The following NID2 variants were observed in gnomAD, a reference collection of about 807,000 sequenced individuals.
NID2 encodes nidogen 2.
NID2 carries 83 observed loss-of-function variants against 145.4 expected under a neutral mutation model. That is an observed-to-expected ratio of 0.57 (90% CI 0.48 to 0.69). NID2 has a LOEUF of 0.69. NID2 is among the 30% of genes least tolerant of loss of function. The pLI, the probability that NID2 is intolerant of heterozygous loss-of-function variation, is 0.00. For synonymous variants in NID2, 739 were observed against 701.3 expected (o/e 1.05, Z -0.85); for missense variants, 1,807 against 1,765.7 (o/e 1.02, Z -0.42).
chr14:52,033,818 A>G (rs2140387454), intron 9 of NID2, among the ~76,000 whole-genome samples: 1 of 152,302 alleles, frequency 6.6e-6, no homozygotes, highest in African/African-American at 2.4e-5. Flanking sequence ...TGCCTCTTTC[A>G]AAGTTTGGTC....
chr14:52,016,450 A>C (rs1891215999), intron 14 of NID2, among the ~76,000 whole-genome samples: 1 of 152,178 alleles, frequency 6.6e-6, no homozygotes, highest in Non-Finnish European at 1.5e-5. Context: ...TCTTTCCCAT[A>C]TGAGTAAATG....
intron 5 of NID2, among the ~76,000 whole-genome samples, chr14:52,043,257 G>A (rs1165689287): frequency 6.6e-6 from 1 of 152,034 alleles, no homozygotes; most frequent in African/African-American, 2.4e-5. Context: ...TATTTTTGTG[G>A]GTCAAAAAGG....
At position 52,005,188 on chromosome 14, in the gene NID2, T is replaced by TCA. The variant is rs1890713335; in HGVS notation, c.*297_*298insTG. ...AAACTCTAATTCTTAGTTGAATGAA[T>TCA]TTGATCTTTTAAATATTAATGATAA... is the stretch of plus-strand genomic sequence containing the variant. On this transcript the variant is annotated 3_prime_UTR_variant, in exon 22 of 22. Coordinates refer to ENST00000216286, the MANE Select transcript of NID2 (RefSeq NM_007361.4). The TCA allele has an allele frequency of 1.1e-5, 3 of 273,572 alleles. No homozygotes were observed. Among genetic ancestry groups the TCA allele is most frequent in the Non-Finnish European group, 2.0e-5 (3 of 146,548 alleles). 16.9% of individuals were successfully genotyped at this position (273,572 alleles called of 1,614,324 possible). A position where few individuals can be genotyped will look rare whatever the true frequency, so the allele number is the denominator to read the frequency against.
intron 6 of NID2, 148 bp from the exon 7 acceptor site, chr14:52,042,498 T>C (rs1369964343): frequency 2.9e-5 from 31 of 1,082,246 alleles, no homozygotes; most frequent in Non-Finnish European, 3.3e-5. Flanking sequence ...TATCCATCTA[T>C]GAAACAGTCC....
At chr14:52,034,751 G>T (rs559488855) in intron 9 of NID2, among the ~76,000 whole-genome samples, 1 of 152,204 alleles carries the variant, frequency 6.6e-6, no homozygotes. Flanking sequence ...TCACTGAGGA[G>T]CTAACTCTGG....
At chr14:52,031,583 C>CTG (rs1319393529) in intron 9 of NID2, among the ~76,000 whole-genome samples, 2 of 152,220 alleles carry the variant, frequency 1.3e-5, no homozygotes, top group Non-Finnish European at 2.9e-5. Flanking sequence ...GCCTGAGGCC[C>CTG]TGTCTTGATA....
Position 52,068,787 on chromosome 14 carries a change from C to A in NID2, c.208G>T (p.Ala70Ser), listed in dbSNP as rs776674396. The A allele has an allele frequency of 6.2e-7, 1 of 1,605,860 alleles. No individual in the cohort carries two copies. Among genetic ancestry groups the A allele is most frequent in the African/African-American group, 1.3e-5 (1 of 75,060 alleles). The change falls in exon 1 of 22, where the codon GCC (alanine) becomes TCC (serine). Residue 70 changes from alanine (A) to serine (S), a missense_variant. Ala to Ser is a moderately conservative substitution (Grantham distance 99). Transcript: ENST00000216286. ...KLANPLHFYE[A>S]RFSNLYVGTN... The stretch of plus-strand genomic sequence containing the variant: ...CTTACGTAGAGGTTGCTGAATCGGG[C>A]TTCGTAGAAGTGCAGGGGATTCGCC...
rs1655590562 is a variant in NID2, at chr14:52,068,688, C to T, written c.228+79G>A. On this transcript the variant is annotated intron_variant, in intron 1 of 21. Transcript: ENST00000216286. ...TCCAGGAGTGGGGTCTGTTTCCTCC[C>T]CTCTGGAGGCAGGGTTTCCGTGAGA... 1.1e-5 allele frequency: 15 copies of T among 1,307,488 alleles called. No individual in the cohort carries two copies. The South Asian group carries it at 1.4e-4, about 12-fold the overall frequency. The allele number at this position is 1,307,488 out of a possible 1,614,324, so 81.0% of individuals were successfully genotyped here.
chr14:52,065,674 T>G (rs1893177310), intron 2 of NID2, among the ~76,000 whole-genome samples: 1 of 82,706 alleles, frequency 1.2e-5, no homozygotes, highest in East Asian at 4.5e-4. Context: ...CCCACCACAG[T>G]CCCCAGAGTG....
rs1890718463 is a variant in NID2, at chr14:52,005,251, A to C, written c.*235T>G. ...AGTTGCTTTAATAAGCAACAGTTAAAATTCTGTTACCTTTTTAAACTTGCA... is the reference window on the plus strand; with the variant it reads ...AGTTGCTTTAATAAGCAACAGTTAACATTCTGTTACCTTTTTAAACTTGCA... On this transcript the variant is annotated 3_prime_UTR_variant, in exon 22 of 22. Coordinates refer to ENST00000216286, the MANE Select transcript of NID2 (RefSeq NM_007361.4). 1 of 384,010 alleles carries C rather than the reference A, an allele frequency of 2.6e-6. No individual in the cohort carries two copies. Among genetic ancestry groups the C allele is most frequent in the Non-Finnish European group, 4.6e-6 (1 of 216,324 alleles). 23.8% of individuals were successfully genotyped at this position (384,010 alleles called of 1,614,324 possible).
intron 20 of NID2, 166 bp from the exon 21 acceptor site, chr14:52,006,015 C>T (rs1380112139): frequency 1.6e-6 from 1 of 607,424 alleles, no homozygotes; most frequent in African/African-American, 1.8e-5. Context: ...TGCTCTAAAT[C>T]CATTGCTCAT....
At chr14:52,040,251 A>ATT (rs11423537) in intron 8 of NID2, among the ~76,000 whole-genome samples, 32,091 of 147,260 alleles carry the variant, frequency 0.22, 3,978 homozygotes, top group East Asian at 0.48. Flanking sequence ...TCTTTCTGTG[A>ATT]TTTTTTTTTT....
In NID2 at chr14:52,020,093, G is replaced by A. The variant is rs745763059; in HGVS notation, c.2760C>T (p.Pro920=). ...ACTGAAATCCATCCCCATAATATCCGGGTTGACAACGGCAGGAGAAGGAAC... is the reference window on the plus strand; with the variant it reads ...ACTGAAATCCATCCCCATAATATCCAGGTTGACAACGGCAGGAGAAGGAAC... ...TPGSFSCRCQ[P]GYYGDGFQCI... Residue 920 remains proline (P), a synonymous_variant, in exon 13 of 22, where the codon CCC becomes CCT. Coordinates refer to ENST00000216286, the MANE Select transcript of NID2 (RefSeq NM_007361.4). 32 of 1,613,966 alleles carry A rather than the reference G, an allele frequency of 2.0e-5. No homozygotes were observed. Among genetic ancestry groups the A allele is most frequent in the Admixed American group, 5.0e-5 (3 of 60,006 alleles).
At position 52,015,040 on chromosome 14, in the gene NID2, G is replaced by A. The variant is rs777096289; in HGVS notation, c.3250+14C>T. 1.3e-5 allele frequency: 21 copies of A among 1,603,888 alleles called. No individual in the cohort carries two copies. The highest frequency in any genetic ancestry group is 6.7e-5 in the South Asian group (6 of 89,898). On this transcript the variant is annotated intron_variant, in intron 15 of 21. Coordinates refer to ENST00000216286, the MANE Select transcript of NID2 (RefSeq NM_007361.4). ...AGATACAGCTGAGGGGAGCGGGGGC[G>A]GCCAGGTGCTTACACGCAGGGGTGG... is the stretch of plus-strand genomic sequence containing the variant.
At chr14:52,038,466 C>G (rs1892153385) in intron 9 of NID2, among the ~76,000 whole-genome samples, 2 of 152,186 alleles carry the variant, frequency 1.3e-5, no homozygotes, top group African/African-American at 4.8e-5. Context: ...CTGCCTTGTT[C>G]ACAGGTATAT....
At chr14:52,048,775 G>A (rs1480916343) in intron 5 of NID2, among the ~76,000 whole-genome samples, 2 of 152,156 alleles carry the variant, frequency 1.3e-5, no homozygotes, top group Non-Finnish European at 2.9e-5. Context: ...GAAATAGTAT[G>A]GTCAGGGAAG....
intron 7 of NID2, 130 bp downstream of exon 7, chr14:52,041,975 C>T: frequency 2.6e-6 from 3 of 1,170,564 alleles, no homozygotes; most frequent in Non-Finnish European, 3.5e-6. Context: ...CAGAAAACTA[C>T]ACACATGTGG....
In NID2 at chr14:52,020,197, GAAGA is replaced by G. The variant is rs774608126; in HGVS notation, c.2675-23_2675-20del. 6.2e-6 allele frequency: 10 copies of G among 1,612,694 alleles called. No individual in the cohort carries two copies. Among genetic ancestry groups the G allele is most frequent in the Non-Finnish European group, 5.9e-6 (7 of 1,179,086 alleles). ...TCTACATCTGCAGAGGTCAGAAACA[GAAGA>G]AAGAAGCAAAGAACACTATGACTTC... On this transcript the variant is annotated intron_variant, in intron 12 of 21. Coordinates refer to ENST00000216286, the MANE Select transcript of NID2 (RefSeq NM_007361.4).
intron 9 of NID2, among the ~76,000 whole-genome samples, chr14:52,035,219 T>G (rs1892012540): frequency 6.6e-6 from 1 of 152,120 alleles, no homozygotes; most frequent in African/African-American, 2.4e-5. Flanking sequence ...CATTACAATA[T>G]CATACAGAAT....
Sources: gnomAD v4.1 joint callset for allele counts (sites outside exome capture counted in the v4.1 genomes callset) on GRCh38, gnomAD v4.1.1 for gene constraint, MANE v1.5 for transcripts, NCBI Gene and HGNC (gene_info 2026-07-23, HGNC 2026-07-21) for gene names.